Variants in NMNAT3 observed in about 807,000 individuals in gnomAD.
NMNAT3 encodes nicotinamide nucleotide adenylyltransferase 3.
In NMNAT3, 21 loss-of-function variants were observed where a neutral mutation model predicts 24.8. The observed-to-expected ratio is 0.85, with a 90% CI of 0.60 to 1.22. The LOEUF (loss-of-function observed/expected upper bound fraction) is 1.22, where lower values mean the gene tolerates loss of function less well. Ranked by LOEUF, NMNAT3 falls within the 50% of genes most tolerant of loss-of-function variation. NMNAT3 has a pLI of 0.00. For missense variants in NMNAT3, 387 were observed against 436.6 expected (o/e 0.89, Z 1.01); for synonymous variants, 136 against 155.2 (o/e 0.88, Z 0.92).
chr3:139,592,297 G>C (rs1290273329), intron 3 of NMNAT3, among the ~76,000 whole-genome samples: 2 of 152,140 alleles, frequency 1.3e-5, no homozygotes, highest in Non-Finnish European at 2.9e-5. Context: ...TGAGCAAAGT[G>C]TCCAAGAAAT....
Position 139,574,536 on chromosome 3 carries a change from C to G in NMNAT3, c.576-856G>C, listed in dbSNP as rs942277625. Among the ~76,000 whole-genome samples the G allele has an allele frequency of 4.6e-5, 7 of 152,346 alleles. No individual in the cohort carries two copies. The East Asian group carries it at 1.3e-3, about 29-fold the overall frequency. ...GTCAAACACAGGCAACCATTATACA[C>G]CCCTTCTTGTATCAATTTGATCTTC... is the stretch of plus-strand genomic sequence containing the variant. On this transcript the variant is annotated intron_variant, in intron 5 of 6. Transcript: ENST00000643695.
At chr3:139,603,008 T>C (rs2054783591) in intron 3 of NMNAT3, among the ~76,000 whole-genome samples, 1 of 152,230 alleles carries the variant, frequency 6.6e-6, no homozygotes, top group African/African-American at 2.4e-5. Flanking sequence ...TTTCAAGTTT[T>C]ATTTTTCTTT....
chr3:139,599,419 G>A (rs2054614845), intron 3 of NMNAT3: 1 of 702,268 alleles, frequency 1.4e-6, no homozygotes, highest in African/African-American at 1.7e-5. Flanking sequence ...TCCCTTGGTT[G>A]TGTTGGCTGA....
chr3:139,669,523 A>G (rs1021392914), intron 1 of NMNAT3, among the ~76,000 whole-genome samples: 4 of 151,392 alleles, frequency 2.6e-5, no homozygotes, highest in African/African-American at 9.7e-5. Context: ...CCACAAAACT[A>G]TAGAGTGAAT....
chr3:139,618,055 C>T (rs1422299024), intron 3 of NMNAT3, among the ~76,000 whole-genome samples: 1 of 152,192 alleles, frequency 6.6e-6, no homozygotes, highest in African/African-American at 2.4e-5. Context: ...TTCTCTGTGA[C>T]AACTTGCATA....
intron 1 of NMNAT3, among the ~76,000 whole-genome samples, chr3:139,663,762 T>C (rs1306707428): frequency 2.6e-5 from 4 of 152,180 alleles, no homozygotes; most frequent in Non-Finnish European, 5.9e-5. Flanking sequence ...AACTGATCTG[T>C]CCACACTGAC....
At chr3:139,583,797 C>T (rs1030477738) in intron 3 of NMNAT3, among the ~76,000 whole-genome samples, 3 of 152,246 alleles carry the variant, frequency 2.0e-5, no homozygotes, top group Non-Finnish European at 2.9e-5. Context: ...ATGTGCACTG[C>T]GAGTCCTCGA....
chr3:139,561,782 A>G (rs1258146369), intron 6 of NMNAT3, among the ~76,000 whole-genome samples: 1 of 152,198 alleles, frequency 6.6e-6, no homozygotes, highest in Admixed American at 6.5e-5. Flanking sequence ...CCAACAAGCC[A>G]TGGGCCTTGG....
chr3:139,675,101 T>C (rs967786568), intron 1 of NMNAT3, among the ~76,000 whole-genome samples: 15 of 138,318 alleles, frequency 1.1e-4, no homozygotes, highest in Non-Finnish European at 2.3e-4. Flanking sequence ...AATACATTAG[T>C]CATCTTTCCT....
chr3:139,593,965 G>C (rs1376361525), intron 3 of NMNAT3, among the ~76,000 whole-genome samples: 2 of 150,210 alleles, frequency 1.3e-5, no homozygotes, highest in African/African-American at 4.9e-5. Flanking sequence ...TAAAATCAGA[G>C]CAGAACTGAA....
At chr3:139,674,608 T>C (rs1373244082) in intron 1 of NMNAT3, among the ~76,000 whole-genome samples, 2 of 152,228 alleles carry the variant, frequency 1.3e-5, no homozygotes, top group Non-Finnish European at 2.9e-5. Context: ...TGCAGGTTTT[T>C]TTCTTTTTAA....
chr3:139,575,970 C>G, intron 5 of NMNAT3: 1 of 1,288,172 alleles, frequency 7.8e-7, no homozygotes. Context: ...ATTAACGTAG[C>G]CTCTCTGAGC....
At chr3:139,655,237 T>G (rs1254876821) in intron 1 of NMNAT3, among the ~76,000 whole-genome samples, 1 of 152,228 alleles carries the variant, frequency 6.6e-6, no homozygotes, top group Non-Finnish European at 1.5e-5. Context: ...TTATGCTCTA[T>G]GTTGACAAGG....
chr3:139,635,880 A>G (rs1339261133), intron 2 of NMNAT3: 3 of 152,170 alleles, frequency 2.0e-5, no homozygotes, highest in Admixed American at 2.0e-4. Flanking sequence ...CTTTGAATAG[A>G]AGTGTTAGGT....
At chr3:139,658,905 C>T (rs771306584) in intron 1 of NMNAT3, among the ~76,000 whole-genome samples, 52 of 152,134 alleles carry the variant, frequency 3.4e-4, no homozygotes, top group Admixed American at 2.0e-4. Context: ...CTGAACGTCC[C>T]CTTGTGTCCC....
intron 3 of NMNAT3, among the ~76,000 whole-genome samples, chr3:139,626,629 C>G (rs887155279): frequency 6.6e-6 from 1 of 152,032 alleles, no homozygotes; most frequent in African/African-American, 2.4e-5. Context: ...AATCTTTTGT[C>G]ACAGAACACC....
intron 6 of NMNAT3, among the ~76,000 whole-genome samples, chr3:139,562,289 G>A (rs1165791022): frequency 2.0e-5 from 3 of 152,162 alleles, no homozygotes; most frequent in African/African-American, 4.8e-5. Flanking sequence ...TTCTGCTGCT[G>A]CCTGCTGGTG....
In NMNAT3 at chr3:139,578,987, C is replaced by T; in HGVS notation, c.460G>A (p.Ala154Thr). ...GCCATGGCCACTCGGTGATGAGAAG[C>T]TGCGAGGTCTTTCTTCCCATAGGTG... The change falls in exon 5 of 7, where the codon GCT becomes ACT. Residue 154 changes from alanine to threonine, a missense_variant. Coordinates refer to ENST00000643695, the MANE Select transcript of NMNAT3 (RefSeq NM_001320510.2). The T allele has an allele frequency of 6.2e-7, 1 of 1,614,202 alleles. No individual in the cohort carries two copies. The highest frequency in any genetic ancestry group is 8.5e-7 in the Non-Finnish European group (1 of 1,180,032).
intron 3 of NMNAT3, among the ~76,000 whole-genome samples, chr3:139,588,485 AT>A (rs1189638224): frequency 3.3e-5 from 5 of 152,186 alleles, no homozygotes; most frequent in African/African-American, 9.6e-5. Flanking sequence ...AATGCAAAAC[AT>A]TTTGGACACT....
Sources: allele counts gnomAD v4.1 joint callset (sites outside exome capture counted in the v4.1 genomes callset), GRCh38; gene constraint gnomAD v4.1.1; transcripts MANE v1.5; gene names NCBI Gene and HGNC (gene_info 2026-07-23, HGNC 2026-07-21).